The following CHIC2 variants were observed in gnomAD, a reference collection of about 807,000 sequenced individuals.
CHIC2 encodes cysteine-rich hydrophobic domain-containing protein 2.
CHIC2 carries 14 observed loss-of-function variants against 25.9 expected under a neutral mutation model. That is an observed-to-expected ratio of 0.54 (90% CI 0.36 to 0.85). CHIC2 has a LOEUF of 0.85. CHIC2 is among the 40% of genes least tolerant of loss of function. The pLI, the probability that CHIC2 is intolerant of heterozygous loss-of-function variation, is 0.01. For missense variants in CHIC2, 146 were observed against 202.0 expected, an observed-to-expected ratio of 0.72 and a Z score of 1.68; for synonymous variants, 70 against 72.0, an observed-to-expected ratio of 0.97 and a Z score of 0.14.
intron 3 of CHIC2, among the ~76,000 whole-genome samples, chr4:54,043,913 C>T (rs1359979072): frequency 2.0e-5 from 3 of 152,168 alleles, no homozygotes; most frequent in Non-Finnish European, 4.4e-5. Context: ...AAACACATCT[C>T]ACGTGCAGAG....
intron 1 of CHIC2, among the ~76,000 whole-genome samples, chr4:54,051,545 A>T (rs1717007423): frequency 6.6e-6 from 1 of 152,070 alleles, no homozygotes; most frequent in African/African-American, 2.4e-5. Flanking sequence ...AAATAACCAC[A>T]GTTGTCAACT....
At chr4:54,068,065 T>C (rs1488487146), upstream of CHIC2, among the ~76,000 whole-genome samples, 1 of 152,010 alleles carries the variant, frequency 6.6e-6, no homozygotes, top group Non-Finnish European at 1.5e-5. Context: ...GAAGAAATAC[T>C]AGATAGTTTT....
At chr4:54,054,590 A>T (rs1717115138) in intron 1 of CHIC2, among the ~76,000 whole-genome samples, 1 of 152,236 alleles carries the variant, frequency 6.6e-6, no homozygotes, top group Non-Finnish European at 1.5e-5. Context: ...AAAACCATGT[A>T]TACTAGAGAG....
At chr4:54,067,292 GTGTC>G (rs1256043874), upstream of CHIC2, among the ~76,000 whole-genome samples, 88 of 41,420 alleles carry the variant, frequency 2.1e-3, no homozygotes, top group African/African-American at 5.4e-3. Context: ...CTGTGTGTGT[GTGTC>G]TGTGTGTGTG....
intron 3 of CHIC2, among the ~76,000 whole-genome samples, chr4:54,016,532 AAAC>A (rs1441767331): frequency 3.9e-5 from 6 of 152,144 alleles, no homozygotes; most frequent in Non-Finnish European, 5.9e-5. Flanking sequence ...AAGAATTATA[AAAC>A]AAACAAGCCC....
At chr4:54,049,894 G>A (rs1716949802) in intron 1 of CHIC2, among the ~76,000 whole-genome samples, 2 of 152,108 alleles carry the variant, frequency 1.3e-5, no homozygotes, top group African/African-American at 4.8e-5. Flanking sequence ...AAATGTAGAC[G>A]TGTACTATAC....
the CHIC2 span, among the ~76,000 whole-genome samples, chr4:54,089,274 A>G: frequency 2.0e-5 from 3 of 152,026 alleles, no homozygotes; most frequent in African/African-American, 7.3e-5. Context: ...CCTTGGGAAA[A>G]CATCTCAATA....
At chr4:54,020,398 C>T (rs1273653905) in intron 3 of CHIC2, among the ~76,000 whole-genome samples, 1 of 152,246 alleles carries the variant, frequency 6.6e-6, no homozygotes, top group Non-Finnish European at 1.5e-5. Flanking sequence ...AATCCCACCA[C>T]CTTTTGCTGA....
chr4:54,061,123 A>G (rs1717319821), intron 1 of CHIC2: 1 of 152,132 alleles, frequency 6.6e-6, no homozygotes, highest in Admixed American at 6.5e-5. Flanking sequence ...AAACATTTGT[A>G]TTTAAAAAAA....
chr4:54,044,520 A>C (rs1716706260), intron 3 of CHIC2, among the ~76,000 whole-genome samples: 1 of 152,192 alleles, frequency 6.6e-6, no homozygotes. Context: ...ACTACATGGA[A>C]ACTGAACAAC....
Position 54,064,587 on chromosome 4 carries a change from A to AGCAGCAACTCAGGAAACC in CHIC2, c.-305_-288dup, listed in dbSNP as rs1156339573. On this transcript the variant is annotated 5_prime_UTR_variant, in exon 1 of 6. Transcript: ENST00000263921. The surrounding 1 kb of genome is among the most constrained non-coding windows in gnomAD (Gnocchi z 4.2). ...CAGACGCCGCTGCCGCCGCCGCAGC[A>AGCAGCAACTCAGGAAACC]GCAGCAACTCAGGAAACCACAGCAA... is the stretch of plus-strand genomic sequence containing the variant. 3.5e-4 allele frequency: 441 copies of AGCAGCAACTCAGGAAACC among 1,248,446 alleles called. 1 individual carries two copies. In the African/African-American group the frequency reaches 4.1e-3, roughly 12 times the overall value. 77.3% of individuals were successfully genotyped at this position (1,248,446 alleles called of 1,614,324 possible).
chr4:54,015,363 C>A lies in CHIC2; in HGVS notation c.331-1244G>T, dbSNP rs146043620. 1.1e-3 allele frequency among the ~76,000 whole-genome samples: 162 copies of A among 152,086 alleles called. 1 individual carries two copies. The South Asian group carries it at 0.019, about 18-fold the overall frequency. ...CAAGAATTTTAAAGAAAAAAAAGTG[C>A]CCTTGTTAACAATGATCAGCAGACC... is the stretch of plus-strand genomic sequence containing the variant. On this transcript the variant is annotated intron_variant, in intron 3 of 5. Coordinates refer to ENST00000263921, the MANE Select transcript of CHIC2 (RefSeq NM_012110.4).
At chr4:54,071,616 TG>T in the CHIC2 span, among the ~76,000 whole-genome samples, 1 of 152,236 alleles carries the variant, frequency 6.6e-6, no homozygotes, top group Admixed American at 6.5e-5. Context: ...GAGAAATATT[TG>T]GGTTCCTTAC....
chr4:54,064,757 G>T (rs1294492898), upstream of CHIC2: 2 of 602,450 alleles, frequency 3.3e-6, no homozygotes, highest in East Asian at 1.3e-4. This position sits in a 1 kb window ranked among gnomAD's most constrained non-coding sequence, Gnocchi z 4.2. Context: ...GGCCTCGCGC[G>T]CTCCCAGGCC....
At chr4:54,034,868 T>C (rs1339820764) in intron 3 of CHIC2, among the ~76,000 whole-genome samples, 1 of 152,248 alleles carries the variant, frequency 6.6e-6, no homozygotes, top group Non-Finnish European at 1.5e-5. Context: ...ATGTTAATTG[T>C]AGGGTTTTTG....
chr4:54,017,582 T>A (rs1715779924), intron 3 of CHIC2, among the ~76,000 whole-genome samples: 1 of 152,204 alleles, frequency 6.6e-6, no homozygotes. Context: ...TTAGCGGTTC[T>A]TTACCAATGT....
the CHIC2 span, among the ~76,000 whole-genome samples, chr4:54,089,699 T>G: frequency 6.6e-6 from 1 of 152,314 alleles, no homozygotes; most frequent in South Asian, 2.1e-4. Context: ...AAAAGAATAT[T>G]CAGCTCCTAT....
intron 3 of CHIC2, among the ~76,000 whole-genome samples, chr4:54,042,955 T>C (rs1716626542): frequency 6.6e-6 from 1 of 152,214 alleles, no homozygotes; most frequent in South Asian, 2.1e-4. Context: ...CCATACTTCC[T>C]ACTCTTATTG....
intron 1 of CHIC2, among the ~76,000 whole-genome samples, chr4:54,051,134 A>T (rs976853015): frequency 3.3e-5 from 5 of 151,574 alleles, no homozygotes; most frequent in Admixed American, 6.6e-5. Flanking sequence ...ATCCTTACTA[A>T]ATTTGTTTTT....
Sources: allele counts gnomAD v4.1 joint callset (sites outside exome capture counted in the v4.1 genomes callset), GRCh38; gene constraint gnomAD v4.1.1; non-coding constraint Gnocchi (gnomAD v3.1); transcripts MANE v1.5; gene names NCBI Gene and HGNC (gene_info 2026-07-23, HGNC 2026-07-21).